Variants in ATP2B2 observed in about 807,000 individuals in gnomAD.
The protein encoded by ATP2B2 is plasma membrane calcium-transporting ATPase 2.
In ATP2B2, 15 loss-of-function variants were observed where a neutral mutation model predicts 120.0. The observed-to-expected ratio is 0.12, with a 90% confidence interval of 0.08 to 0.19. ATP2B2 has a LOEUF of 0.19. Among genes scored for constraint, ATP2B2 ranks in the 10% least tolerant of loss-of-function variants. The probability of loss-of-function intolerance (pLI) is 1.00; values close to 1 mark genes in which losing one functional copy is unlikely to be tolerated. For synonymous variants in ATP2B2, 694 were observed against 700.3 expected, an observed-to-expected ratio of 0.99 and a Z score of 0.14; for missense variants, 1,045 against 1,719.8, an observed-to-expected ratio of 0.61 and a Z score of 6.94.
intron 11 of ATP2B2, among the ~76,000 whole-genome samples, chr3:10,373,657 T>G (rs552720934): frequency 6.6e-6 from 1 of 152,234 alleles, no homozygotes; most frequent in Non-Finnish European, 1.5e-5. Flanking sequence ...CTGGGTTAAG[T>G]ACATTATTAA....
rs1484415256 is a variant in ATP2B2 at position 10,329,743 on chromosome 3, G to A, written c.3421-618C>T. On this transcript the variant is annotated intron_variant, in intron 22 of 22. Transcript: ENST00000360273. This position sits in a 1 kb window ranked among gnomAD's most constrained non-coding sequence, Gnocchi z 5.9. ...GCAAAGCAAACCAAAGCCAACCCAG[G>A]GCTTTCTGAGGTGCAGAGCAGAGGC... is the stretch of plus-strand genomic sequence containing the variant. Among the ~76,000 whole-genome samples the A allele has an allele frequency of 6.6e-6, 1 of 152,128 alleles. No individual in the cohort carries two copies. Among genetic ancestry groups the A allele is most frequent in the Non-Finnish European group, 1.5e-5 (1 of 68,024 alleles).
chr3:10,471,192 T>C (rs1215422411), intron 1 of ATP2B2, among the ~76,000 whole-genome samples: 1 of 152,134 alleles, frequency 6.6e-6, no homozygotes, highest in Non-Finnish European at 1.5e-5. Context: ...CCCAGCACAG[T>C]GTCTCCAGCG....
intron 15 of ATP2B2, 72 bp downstream of exon 15, chr3:10,350,326 C>T: frequency 6.2e-7 from 1 of 1,605,572 alleles, no homozygotes; most frequent in Non-Finnish European, 8.5e-7. Flanking sequence ...TCTGTACAAT[C>T]ATGCAGCACC....
intron 3 of ATP2B2, among the ~76,000 whole-genome samples, chr3:10,513,154 T>C (rs1049451857): frequency 2.5e-5 from 3 of 120,876 alleles, no homozygotes; most frequent in African/African-American, 1.0e-4. Flanking sequence ...GGTGAGAGCA[T>C]GCTCAGCAGG....
intron 1 of ATP2B2, among the ~76,000 whole-genome samples, chr3:10,643,453 A>G (rs1021367310): frequency 6.6e-6 from 1 of 152,244 alleles, no homozygotes; most frequent in African/African-American, 2.4e-5. Context: ...GTCTTCAAGC[A>G]TCTCCCCACA....
intron 1 of ATP2B2, among the ~76,000 whole-genome samples, chr3:10,678,888 G>A (rs1357892730): frequency 6.6e-6 from 1 of 152,158 alleles, no homozygotes; most frequent in Non-Finnish European, 1.5e-5. Context: ...GTCATGTGAG[G>A]TTATATAGCA....
chr3:10,554,768 AG>A (rs1481729278), intron 2 of ATP2B2, among the ~76,000 whole-genome samples: 3 of 152,256 alleles, frequency 2.0e-5, no homozygotes, highest in African/African-American at 7.2e-5. Context: ...AGGGCCTTGA[AG>A]ATCACATTTA....
chr3:10,500,673 C>A (rs1242519756), intron 1 of ATP2B2, among the ~76,000 whole-genome samples: 1 of 152,158 alleles, frequency 6.6e-6, no homozygotes, highest in Non-Finnish European at 1.5e-5. Context: ...AAGGGACAGG[C>A]TCTTCCTCAG....
chr3:10,411,561 C>T (rs144000165), intron 2 of ATP2B2, among the ~76,000 whole-genome samples: 348 of 152,346 alleles, frequency 2.3e-3, no homozygotes, highest in Non-Finnish European at 4.0e-3. Context: ...TGATGGCCCT[C>T]GCTCTCTGAG....
intron 2 of ATP2B2, among the ~76,000 whole-genome samples, chr3:10,418,027 C>T (rs1489700598): frequency 6.6e-6 from 1 of 152,112 alleles, no homozygotes; most frequent in African/African-American, 2.4e-5. Flanking sequence ...CTTACACAGG[C>T]CTTTGGGGTG....
intron 2 of ATP2B2, among the ~76,000 whole-genome samples, chr3:10,608,695 C>T (rs145017511): frequency 5.3e-4 from 81 of 152,310 alleles, no homozygotes; most frequent in African/African-American, 1.9e-3. Context: ...TTGAAATGGC[C>T]CTTCATCTGT....
intron 13 of ATP2B2, among the ~76,000 whole-genome samples, chr3:10,359,175 C>T (rs1486395903): frequency 6.6e-6 from 1 of 152,188 alleles, no homozygotes; most frequent in Admixed American, 6.5e-5. Flanking sequence ...ACTCCCACAG[C>T]TGAAATGGTT....
At chr3:10,686,043 C>CTTT (rs34073958) in intron 1 of ATP2B2, among the ~76,000 whole-genome samples, 762 of 92,842 alleles carry the variant, frequency 8.2e-3, no homozygotes, top group African/African-American at 0.012. Context: ...TTCCTCCTTT[C>CTTT]TTTTTTTTTT....
At chr3:10,419,866 G>A (rs1463023516) in intron 2 of ATP2B2, among the ~76,000 whole-genome samples, 1 of 152,226 alleles carries the variant, frequency 6.6e-6, no homozygotes, top group Non-Finnish European at 1.5e-5. Context: ...CCTATCTGGT[G>A]AAGCCAATGT....
intron 2 of ATP2B2, among the ~76,000 whole-genome samples, chr3:10,596,045 C>T (rs2068757105): frequency 6.6e-6 from 1 of 152,166 alleles, no homozygotes; most frequent in Non-Finnish European, 1.5e-5. Context: ...CCGCTTGTCA[C>T]TCAGCTCTCA....
At chr3:10,385,982 G>A (rs1353530408) in intron 7 of ATP2B2, among the ~76,000 whole-genome samples, 2 of 152,254 alleles carry the variant, frequency 1.3e-5, no homozygotes, top group African/African-American at 4.8e-5. Context: ...AAAGGCACTA[G>A]TGAATTTTTC....
At chr3:10,699,175 C>A (rs758760337) in intron 1 of ATP2B2, among the ~76,000 whole-genome samples, 1 of 152,202 alleles carries the variant, frequency 6.6e-6, no homozygotes, top group Non-Finnish European at 1.5e-5. Flanking sequence ...TCTTCTTTCA[C>A]CCTAAACAGT....
chr3:10,334,525 G>C (rs1393579999), intron 22 of ATP2B2, among the ~76,000 whole-genome samples: 1 of 152,136 alleles, frequency 6.6e-6, no homozygotes, highest in African/African-American at 2.4e-5. Flanking sequence ...TGCCTTCCCC[G>C]AGAAATCCTG....
intron 2 of ATP2B2, among the ~76,000 whole-genome samples, chr3:10,592,069 T>C (rs533005541): frequency 6.6e-6 from 1 of 152,258 alleles, no homozygotes; most frequent in South Asian, 2.1e-4. Context: ...GGCTCAACCA[T>C]GTGGAAGGTT....
Sources: allele counts gnomAD v4.1 joint callset (sites outside exome capture counted in the v4.1 genomes callset), GRCh38; gene constraint gnomAD v4.1.1; non-coding constraint Gnocchi (gnomAD v3.1); transcripts MANE v1.5; gene names NCBI Gene and HGNC (gene_info 2026-07-23, HGNC 2026-07-21).